TMEM117: variants seen among roughly 807,000 people sequenced by gnomAD.
TMEM117 encodes transmembrane protein 117.
Under a neutral mutation model 52.4 loss-of-function variants are expected in TMEM117, and 27 were observed. The ratio of observed to expected loss-of-function variants is 0.51; its 90% confidence interval spans 0.38 to 0.71. The LOEUF (loss-of-function observed/expected upper bound fraction) is 0.71, where lower values mean the gene tolerates loss of function less well. Ranked by LOEUF, TMEM117 falls within the 30% of genes least tolerant of loss-of-function variation. The pLI is 0.00. For missense variants in TMEM117, 556 were observed against 630.5 expected, an observed-to-expected ratio of 0.88 and a Z score of 1.26; for synonymous variants, 215 against 206.3, an observed-to-expected ratio of 1.04 and a Z score of -0.36.
chr12:43,805,976 C>T, the TMEM117 span: 9 of 1,544,498 alleles, frequency 5.8e-6, no homozygotes, highest in Non-Finnish European at 7.8e-6. Flanking sequence ...AGCCAATTTC[C>T]TTCGCTCCCC....
intron 5 of TMEM117, among the ~76,000 whole-genome samples, chr12:44,214,215 G>A (rs111814255): frequency 0.03 from 4,353 of 143,904 alleles, 103 homozygotes; most frequent in Admixed American, 0.047. Flanking sequence ...GCACAGTCTC[G>A]GCTCACTGCA....
At chr12:44,097,285 A>G (rs2138063107) in intron 3 of TMEM117, among the ~76,000 whole-genome samples, 1 of 152,274 alleles carries the variant, frequency 6.6e-6, no homozygotes, top group South Asian at 2.1e-4. Context: ...AACTAGTTCA[A>G]CCATTGTGGA....
chr12:44,263,913 G>A (rs892924503), intron 5 of TMEM117: 3 of 152,278 alleles, frequency 2.0e-5, no homozygotes, highest in East Asian at 1.9e-4. Flanking sequence ...CAGTGAAGGT[G>A]CATTTGTATC....
intron 4 of TMEM117, among the ~76,000 whole-genome samples, chr12:44,204,794 C>G (rs928854316): frequency 1.3e-5 from 2 of 152,086 alleles, no homozygotes; most frequent in African/African-American, 2.4e-5. Flanking sequence ...TAATAACAAG[C>G]AATGGGGAGG....
intron 3 of TMEM117, chr12:44,009,212 TG>T: frequency 3.6e-6 from 1 of 274,726 alleles, no homozygotes; most frequent in Admixed American, 5.6e-5. Context: ...TGTTGTTTTC[TG>T]GACAATTTCA....
At chr12:43,931,034 G>A (rs1182060953) in intron 2 of TMEM117, among the ~76,000 whole-genome samples, 1 of 152,196 alleles carries the variant, frequency 6.6e-6, no homozygotes, top group Non-Finnish European at 1.5e-5. Flanking sequence ...ACTCTTCACT[G>A]AGTAATGATC....
chr12:43,867,749 T>C lies in TMEM117; in HGVS notation c.277+22821T>C, dbSNP rs191596961. On this transcript the variant is annotated intron_variant, in intron 2 of 7. Coordinates refer to ENST00000266534, the MANE Select transcript of TMEM117 (RefSeq NM_032256.3). ...TGAAAGGGTCAATTCATCTGCACAATAAAACAATCATATACCTATCTAGAG... is the reference window on the plus strand; with the variant it reads ...TGAAAGGGTCAATTCATCTGCACAACAAAACAATCATATACCTATCTAGAG... Among the ~76,000 whole-genome samples the C allele has an allele frequency of 2.0e-4, 31 of 152,196 alleles. No homozygotes were observed. The East Asian group carries it at 5.4e-3, about 27-fold the overall frequency.
intron 5 of TMEM117, among the ~76,000 whole-genome samples, chr12:44,274,331 C>T (rs1457489651): frequency 6.6e-6 from 1 of 152,010 alleles, no homozygotes; most frequent in African/African-American, 2.4e-5. Context: ...AAAGAGAGTC[C>T]ATGTTTATGG....
chr12:44,280,895 A>G (rs1469521497), intron 5 of TMEM117, among the ~76,000 whole-genome samples: 1 of 152,174 alleles, frequency 6.6e-6, no homozygotes, highest in African/African-American at 2.4e-5. Flanking sequence ...AAGGTTGATG[A>G]TTTGCCTTTA....
intron 3 of TMEM117, among the ~76,000 whole-genome samples, chr12:43,972,295 G>A (rs1945600862): frequency 6.6e-6 from 1 of 152,210 alleles, no homozygotes; most frequent in South Asian, 2.1e-4. Flanking sequence ...TGTGGGGGGT[G>A]GGGATGTTTC....
chr12:44,205,267 T>G (rs531157629), intron 4 of TMEM117, among the ~76,000 whole-genome samples: 2 of 152,158 alleles, frequency 1.3e-5, no homozygotes, highest in African/African-American at 4.8e-5. Context: ...TCACGAGACC[T>G]GATGGTTTTA....
At chr12:44,272,492 T>C (rs1950458867) in intron 5 of TMEM117, among the ~76,000 whole-genome samples, 1 of 152,022 alleles carries the variant, frequency 6.6e-6, no homozygotes, top group Non-Finnish European at 1.5e-5. Context: ...AGGGCTAATA[T>C]CTAGAATCTA....
At chr12:43,978,214 A>C (rs942919241) in intron 3 of TMEM117, among the ~76,000 whole-genome samples, 2 of 152,168 alleles carry the variant, frequency 1.3e-5, no homozygotes. Flanking sequence ...ACTGTAAGCC[A>C]GTGGGCCAGG....
At chr12:44,140,070 AT>A (rs1338318540) in intron 3 of TMEM117, among the ~76,000 whole-genome samples, 1 of 152,128 alleles carries the variant, frequency 6.6e-6, no homozygotes, top group African/African-American at 2.4e-5. Flanking sequence ...ATTTTTAAGT[AT>A]ATTAGTTATT....
intron 3 of TMEM117, among the ~76,000 whole-genome samples, chr12:44,101,488 A>G (rs1159308685): frequency 6.6e-6 from 1 of 151,816 alleles, no homozygotes; most frequent in Non-Finnish European, 1.5e-5. Context: ...TTTGGGACTC[A>G]TCACTTCTCA....
intron 3 of TMEM117, among the ~76,000 whole-genome samples, chr12:44,105,444 G>A (rs540502726): frequency 2.0e-5 from 3 of 151,422 alleles, no homozygotes; most frequent in East Asian, 1.9e-4. Flanking sequence ...TAATTCCAGC[G>A]TTCCTGCCAT....
chr12:43,799,524 T>C, the TMEM117 span: 2 of 1,372,586 alleles, frequency 1.5e-6, no homozygotes, highest in Middle Eastern at 1.8e-4. Context: ...GAATAGACTA[T>C]AATCAGTAAT....
At chr12:44,251,151 C>T (rs1386965486) in intron 5 of TMEM117, among the ~76,000 whole-genome samples, 1 of 152,028 alleles carries the variant, frequency 6.6e-6, no homozygotes, top group Non-Finnish European at 1.5e-5. Context: ...GTGAATGACA[C>T]CTCTGATGGA....
At chr12:43,921,959 C>A (rs4238092) in intron 2 of TMEM117, among the ~76,000 whole-genome samples, 122,326 of 151,874 alleles carry the variant, frequency 0.81, 51,700 homozygotes, top group Non-Finnish European at 0.92. Flanking sequence ...CCACTGTCAA[C>A]CTCTAAAAGT....
Sources: allele counts gnomAD v4.1 joint callset (sites outside exome capture counted in the v4.1 genomes callset), GRCh38; gene constraint gnomAD v4.1.1; transcripts MANE v1.5; gene names NCBI Gene and HGNC (gene_info 2026-07-23, HGNC 2026-07-21).